Variants in TMEM91 observed in about 807,000 individuals in gnomAD.
TMEM91 encodes the protein transmembrane protein 91.
In TMEM91, 6 loss-of-function variants were observed where a neutral mutation model predicts 13.3. The observed-to-expected ratio is 0.45, with a 90% CI of 0.25 to 0.89. The LOEUF (loss-of-function observed/expected upper bound fraction) is 0.89, where lower values mean the gene tolerates loss of function less well. Among genes scored for constraint, TMEM91 ranks in the 40% least tolerant of loss-of-function variants. The pLI is 0.19. For missense variants in TMEM91, 193 were observed against 228.7 expected (o/e 0.84, Z 1.01); for synonymous variants, 87 against 101.7 (o/e 0.86, Z 0.87).
At position 41,382,925 on chromosome 19, in the gene TMEM91, A is replaced by C; in HGVS notation, c.360+4A>C. 6.2e-7 allele frequency: 1 copy of C among 1,614,012 alleles called. No homozygotes were observed. The highest frequency in any genetic ancestry group is 1.7e-4 in the Middle Eastern group (1 of 6,060). ...TGCCTTCTGTCTAGCCCAGAAGGTC[A>C]GTCTGTGTGTGGGACTTGGAGGGGA... On this transcript the variant is annotated splice_donor_region_variant and intron_variant, in intron 3 of 3. Coordinates refer to ENST00000392002, the MANE Select transcript of TMEM91 (RefSeq NM_001098821.2).
upstream of TMEM91, chr19:41,363,987 A>G (rs2038464507): frequency 8.9e-6 from 2 of 224,178 alleles, no homozygotes; most frequent in South Asian, 1.2e-4. Flanking sequence ...AGGAGAGGAG[A>G]AAGCGGCAAC....
intron 1 of TMEM91, among the ~76,000 whole-genome samples, chr19:41,377,867 AT>A (rs2038760756): frequency 6.6e-6 from 1 of 151,290 alleles, no homozygotes; most frequent in Non-Finnish European, 1.5e-5. Flanking sequence ...AAAAAAAAAA[AT>A]TAGCCGGGCA....
intron 1 of TMEM91, among the ~76,000 whole-genome samples, chr19:41,366,064 T>TC (rs2038521950): frequency 6.8e-6 from 1 of 146,704 alleles, no homozygotes; most frequent in Admixed American, 6.7e-5. Flanking sequence ...TTTTTTTTTT[T>TC]TTTTTTTTGA....
At chr19:41,370,563 T>C (rs4803459) in intron 1 of TMEM91, among the ~76,000 whole-genome samples, 108,375 of 151,588 alleles carry the variant, frequency 0.71, 39,604 homozygotes, top group African/African-American at 0.85. Context: ...TGTGCCACCT[T>C]GTCCAGCTAA....
upstream of TMEM91, among the ~76,000 whole-genome samples, chr19:41,373,220 T>A (rs890172253): frequency 6.6e-6 from 1 of 152,134 alleles, no homozygotes; most frequent in South Asian, 2.1e-4. Flanking sequence ...GATTACAGGC[T>A]TGAGCCACCG....
chr19:41,383,612 C>A, intron 3 of TMEM91, 103 bp from the exon 4 acceptor site: 1 of 1,614,008 alleles, frequency 6.2e-7, no homozygotes, highest in Non-Finnish European at 8.5e-7. Flanking sequence ...TTTTGGAATA[C>A]ATGCATGAAT....
rs1453764880 is a variant in TMEM91 at position 41,382,798 on chromosome 19, G to A, written c.237G>A (p.Ser79=). The stretch of plus-strand genomic sequence containing the variant: ...ACATGTCATCCAGTGACAGTGACTC[G>A]GACTGGGATGGAGGCAGCCGTCTTT... ...VEDMSSSDSD[S]DWDGGSRLSP... Residue 79 remains serine (S), a synonymous_variant, in exon 3 of 4, where the codon TCG becomes TCA. Transcript: ENST00000392002. The A allele has an allele frequency of 8.1e-6, 13 of 1,613,976 alleles. No homozygotes were observed. Among genetic ancestry groups the A allele is most frequent in the African/African-American group, 4.0e-5 (3 of 74,904 alleles).
chr19:41,366,736 G>T (rs535357571), intron 1 of TMEM91, among the ~76,000 whole-genome samples: 1 of 151,948 alleles, frequency 6.6e-6, no homozygotes, highest in Non-Finnish European at 1.5e-5. Flanking sequence ...TGAGATTACA[G>T]GCATGAGCCA....
intron 1 of TMEM91, among the ~76,000 whole-genome samples, chr19:41,368,438 T>A (rs1354617748): frequency 7.0e-5 from 10 of 142,896 alleles, no homozygotes; most frequent in Non-Finnish European, 1.5e-4. Flanking sequence ...GGGGGGTGGT[T>A]ATTGGGTTTT....
chr19:41,372,045 G>C (rs2038633154), upstream of TMEM91, among the ~76,000 whole-genome samples: 1 of 151,422 alleles, frequency 6.6e-6, no homozygotes, highest in East Asian at 1.9e-4. Flanking sequence ...AAGTTTTGGA[G>C]AGAGAGGGTG....
Position 41,383,760 on chromosome 19 carries a change from GC to G in TMEM91, c.408del (p.Ser137ProfsTer24), listed in dbSNP as rs752852293. 1.2e-6 allele frequency: 2 copies of G among 1,608,178 alleles called. No homozygotes were observed. The highest frequency in any genetic ancestry group is 1.7e-4 in the Middle Eastern group (1 of 6,030). On this transcript the variant is annotated frameshift_variant, in exon 4 of 4. Transcript: ENST00000392002. LOFTEE classifies it high-confidence loss of function. Reference protein sequence around the residue: ...AKGDIQGAGAASRRAFLLGVL... With the variant: ...AKGDIQGAGAXSRRAFLLGVL... ...GGGGGACATCCAGGGGGCAGGGGCCGCCTCCCGCCGTGCCTTCCTGCTGGGG... is the reference window on the plus strand; with the variant it reads ...GGGGGACATCCAGGGGGCAGGGGCCGCTCCCGCCGTGCCTTCCTGCTGGGG...
chr19:41,382,815 G>GC lies in TMEM91; in HGVS notation c.256dup (p.Arg86ProfsTer?), dbSNP rs753661428. The GC allele has an allele frequency of 6.2e-7, 1 of 1,614,210 alleles. No individual in the cohort carries two copies. Among genetic ancestry groups the GC allele is most frequent in the Non-Finnish European group, 8.5e-7 (1 of 1,180,038 alleles). ...AGTGACTCGGACTGGGATGGAGGCA[G>GC]CCGTCTTTCACCATTTCTACCCCAC... On this transcript the variant is annotated frameshift_variant, in exon 3 of 4. Transcript: ENST00000392002. LOFTEE classifies it high-confidence loss of function.
intron 1 of TMEM91, among the ~76,000 whole-genome samples, chr19:41,367,609 G>A (rs971586335): frequency 1.3e-5 from 2 of 152,144 alleles, no homozygotes. Context: ...CCATCCTGGG[G>A]GACAAGAGTG....
At chr19:41,364,255 T>A (rs1462321403) in intron 1 of TMEM91, 2 of 152,844 alleles carry the variant, frequency 1.3e-5, no homozygotes, top group East Asian at 1.9e-4. Flanking sequence ...GACATTTTCC[T>A]CCTCCGCTCC....
intron 1 of TMEM91, among the ~76,000 whole-genome samples, chr19:41,369,335 G>A (rs75687122): frequency 1.3e-5 from 2 of 151,884 alleles, no homozygotes; most frequent in African/African-American, 2.4e-5. Flanking sequence ...CTGCCGCCAC[G>A]CCCAGCTAAT....
At chr19:41,368,535 A>G (rs924455899) in intron 1 of TMEM91, among the ~76,000 whole-genome samples, 3 of 151,378 alleles carry the variant, frequency 2.0e-5, no homozygotes, top group Non-Finnish European at 2.9e-5. Context: ...TCAGCCTCCC[A>G]AGTAGCTGGG....
chr19:41,375,273 C>CTTTTTTTTTTTTTTTTTTT (rs906641411), upstream of TMEM91, among the ~76,000 whole-genome samples: 4 of 58,646 alleles, frequency 6.8e-5, 1 homozygote, highest in South Asian at 1.2e-3. Context: ...ATTTTCTTTT[C>CTTTTTTTTTTTTTTTTTTT]TTTTTTTTTT....
In TMEM91 at chr19:41,383,793, G is replaced by A. The variant is rs748965543; in HGVS notation, c.439G>A (p.Ala147Thr). 9.9e-6 allele frequency: 16 copies of A among 1,610,870 alleles called. No individual in the cohort carries two copies. Among genetic ancestry groups the A allele is most frequent in the Non-Finnish European group, 1.1e-5 (13 of 1,178,296 alleles). The change falls in exon 4 of 4, where the codon GCC becomes ACC. Residue 147 changes from alanine to threonine, a missense_variant. Transcript: ENST00000392002. ...SRRAFLLGVL[A>T]VGLGVCTYAA... ...CCGTGCCTTCCTGCTGGGGGTCCTC[G>A]CCGTCGGGCTGGGCGTGTGCACGTA... is the stretch of plus-strand genomic sequence containing the variant.
At position 41,383,524 on chromosome 19, in the gene TMEM91, A is replaced by AT. The variant is rs772800590; in HGVS notation, c.361-185dup. The AT allele has an allele frequency of 1.6e-5, 24 of 1,478,814 alleles. No individual in the cohort carries two copies. In the Admixed American group the frequency reaches 3.2e-4, roughly 20 times the overall value. 91.6% of individuals were successfully genotyped at this position (1,478,814 alleles called of 1,614,324 possible). ...TTTTTTAAAATTTATTATTATTATTATTTTTTACCATTTTAATGTTTTTAT... is the reference window on the plus strand; with the variant it reads ...TTTTTTAAAATTTATTATTATTATTATTTTTTTACCATTTTAATGTTTTTAT... On this transcript the variant is annotated intron_variant, in intron 3 of 3. Transcript: ENST00000392002.
Sources: allele counts gnomAD v4.1 joint callset (sites outside exome capture counted in the v4.1 genomes callset), GRCh38; gene constraint gnomAD v4.1.1; transcripts MANE v1.5; gene names NCBI Gene and HGNC (gene_info 2026-07-23, HGNC 2026-07-21).